Variants in FAM107B observed in about 807,000 individuals in gnomAD.
FAM107B encodes the protein protein FAM107B.
Under a neutral mutation model 31.5 loss-of-function variants are expected in FAM107B, and 21 were observed. The observed-to-expected ratio is 0.67, with a 90% CI of 0.47 to 0.96. The LOEUF is 0.96. FAM107B is among the 40% of genes least tolerant of loss of function. FAM107B has a pLI of 0.00. For missense variants in FAM107B, 452 were observed against 377.1 expected, an observed-to-expected ratio of 1.20 and a Z score of -1.64; for synonymous variants, 157 against 141.5, an observed-to-expected ratio of 1.11 and a Z score of -0.78.
intron 2 of FAM107B, among the ~76,000 whole-genome samples, chr10:14,649,979 C>T (rs941143493): frequency 3.9e-5 from 6 of 152,294 alleles, no homozygotes; most frequent in South Asian, 2.1e-4. Flanking sequence ...CCTCCAGTAT[C>T]CTTAACACAT....
At chr10:14,629,399 T>TATTTAA (rs1588669165) in intron 2 of FAM107B, among the ~76,000 whole-genome samples, 2 of 34,922 alleles carry the variant, frequency 5.7e-5, no homozygotes, top group African/African-American at 2.7e-4. Flanking sequence ...ATAATATATA[T>TATTTAA]TATATATTTA....
intron 1 of FAM107B, among the ~76,000 whole-genome samples, chr10:14,694,788 G>A (rs1253519776): frequency 6.6e-6 from 1 of 152,168 alleles, no homozygotes; most frequent in Non-Finnish European, 1.5e-5. Flanking sequence ...GCATATTAAT[G>A]TTGGCCATTT....
At chr10:14,748,030 A>C (rs1286905338) in intron 1 of FAM107B, among the ~76,000 whole-genome samples, 5 of 152,096 alleles carry the variant, frequency 3.3e-5, no homozygotes, top group African/African-American at 1.2e-4. Flanking sequence ...GGCAATTCCC[A>C]ATTATCCTTC....
At chr10:14,721,609 T>C (rs1453725574) in intron 1 of FAM107B, among the ~76,000 whole-genome samples, 2 of 152,262 alleles carry the variant, frequency 1.3e-5, no homozygotes, top group Admixed American at 6.5e-5. Flanking sequence ...ATGATGAGCA[T>C]TTTTTCATGT....
intron 1 of FAM107B, among the ~76,000 whole-genome samples, chr10:14,717,378 AG>A (rs911270555): frequency 2.0e-5 from 3 of 152,172 alleles, no homozygotes; most frequent in African/African-American, 7.2e-5. Context: ...GTCTCCCAGT[AG>A]GCATCAGCAA....
At chr10:14,525,424 T>C (rs1846121409) in intron 3 of FAM107B, among the ~76,000 whole-genome samples, 1 of 152,130 alleles carries the variant, frequency 6.6e-6, no homozygotes, top group South Asian at 2.1e-4. Context: ...AGAAAAGTAA[T>C]ATACCCATGT....
At chr10:14,728,598 G>A (rs949575808) in intron 1 of FAM107B, among the ~76,000 whole-genome samples, 1 of 152,196 alleles carries the variant, frequency 6.6e-6, no homozygotes, top group Non-Finnish European at 1.5e-5. Flanking sequence ...TGAGAATATT[G>A]GGTTGGGAGG....
At chr10:14,594,247 G>A (rs1038206574) in intron 2 of FAM107B, among the ~76,000 whole-genome samples, 6 of 152,112 alleles carry the variant, frequency 3.9e-5, no homozygotes, top group African/African-American at 1.4e-4. Context: ...AGGCACGGTG[G>A]CTCACACCCG....
Position 14,671,891 on chromosome 10 carries a change from AACAAAAAAAAAACC to A in FAM107B, c.412-4214_412-4201del, listed in dbSNP as rs1564621040. ...TTTATTTAAAAAAAAAAAACAAAAA[AACAAAAAAAAAACC>A]CTCTATTTCTTTTTAAATCAAACTG... On this transcript the variant is annotated intron_variant, in intron 1 of 4. Transcript: ENST00000181796. Among the ~76,000 whole-genome samples the A allele has an allele frequency of 9.4e-5, 14 of 149,262 alleles. 1 individual carries two copies. Among genetic ancestry groups the A allele is most frequent in the African/African-American group, 3.5e-4 (14 of 40,356 alleles).
intron 2 of FAM107B, among the ~76,000 whole-genome samples, chr10:14,575,382 T>C (rs1564581932): frequency 1.3e-5 from 2 of 152,122 alleles, no homozygotes; most frequent in Non-Finnish European, 2.9e-5. Flanking sequence ...TTTGTATTTT[T>C]AGTAGAGAAG....
At chr10:14,721,626 T>C (rs1337526482) in intron 1 of FAM107B, among the ~76,000 whole-genome samples, 2 of 152,372 alleles carry the variant, frequency 1.3e-5, no homozygotes, top group African/African-American at 4.8e-5. Flanking sequence ...ATGTGTCTAT[T>C]GGCTGCATAA....
chr10:14,617,800 G>A lies in FAM107B; in HGVS notation c.469+49834C>T, dbSNP rs145758490. The stretch of plus-strand genomic sequence containing the variant: ...GCCTGAGACAGGCCCATGACCCAGA[G>A]TTTGGTGCCTAATTACCATGGTGGC... On this transcript the variant is annotated intron_variant, in intron 2 of 4. Transcript: ENST00000181796. Among the ~76,000 whole-genome samples, 1,389 of 151,096 alleles carry A rather than the reference G, an allele frequency of 9.2e-3. 26 individuals carry two copies. Among genetic ancestry groups the A allele is most frequent in the Non-Finnish European group, 0.011 (738 of 67,860 alleles).
chr10:14,769,777 A>G (rs182085209), intron 1 of FAM107B, among the ~76,000 whole-genome samples: 2 of 152,352 alleles, frequency 1.3e-5, no homozygotes, highest in Admixed American at 6.5e-5. Flanking sequence ...TCCCAGTTCA[A>G]GTACAAGCTA....
At chr10:14,532,807 G>A (rs1348296129) in intron 2 of FAM107B, 1 of 152,222 alleles carries the variant, frequency 6.6e-6, no homozygotes, top group African/African-American at 2.4e-5. Context: ...CTTCACCATA[G>A]ATAATCTCCA....
chr10:14,699,256 G>T (rs887674117), intron 1 of FAM107B, among the ~76,000 whole-genome samples: 1 of 152,146 alleles, frequency 6.6e-6, no homozygotes, highest in African/African-American at 2.4e-5. Context: ...ATATTTTGAT[G>T]GGTTGATGTA....
At chr10:14,637,182 G>C (rs546732818) in intron 2 of FAM107B, among the ~76,000 whole-genome samples, 1 of 152,100 alleles carries the variant, frequency 6.6e-6, no homozygotes, top group African/African-American at 2.4e-5. Flanking sequence ...CTTCACGAGG[G>C]TCTTATTTCT....
At chr10:14,700,728 T>A (rs1301182402) in intron 1 of FAM107B, among the ~76,000 whole-genome samples, 2 of 151,076 alleles carry the variant, frequency 1.3e-5, no homozygotes, top group Non-Finnish European at 2.9e-5. Flanking sequence ...AAATAACCAT[T>A]TTCTGCTGGC....
At chr10:14,594,065 A>G (rs1852103137) in intron 2 of FAM107B, among the ~76,000 whole-genome samples, 1 of 152,246 alleles carries the variant, frequency 6.6e-6, no homozygotes, top group Admixed American at 6.5e-5. Flanking sequence ...CAACTCAAAC[A>G]CACAGGCTCT....
chr10:14,521,416 T>C, intron 4 of FAM107B, 110 bp from the exon 5 acceptor site: 1 of 839,356 alleles, frequency 1.2e-6, no homozygotes, highest in South Asian at 1.7e-5. Flanking sequence ...CAGAATAAAT[T>C]CTCTCCTGGT....
Sources: gnomAD v4.1 joint callset for allele counts (sites outside exome capture counted in the v4.1 genomes callset) on GRCh38, gnomAD v4.1.1 for gene constraint, MANE v1.5 for transcripts, NCBI Gene and HGNC (gene_info 2026-07-23, HGNC 2026-07-21) for gene names.